The following LYST variants were observed in gnomAD, a reference collection of about 807,000 sequenced individuals.
LYST encodes the protein lysosomal-trafficking regulator.
LYST carries 192 observed loss-of-function variants against 413.6 expected under a neutral mutation model. That is an observed-to-expected ratio of 0.46 (90% CI 0.41 to 0.52). The LOEUF is 0.52. LYST is among the 20% of genes least tolerant of loss of function. The pLI, the probability that LYST is intolerant of heterozygous loss-of-function variation, is 0.00. For missense variants in LYST, 3,815 were observed against 4,499.9 expected (o/e 0.85, Z 4.35); for synonymous variants, 1,525 against 1,567.3 (o/e 0.97, Z 0.64).
rs1232348898 is a variant in LYST, at chr1:235,770,148, C to T, written c.5922+12G>A. 3.7e-6 allele frequency: 6 copies of T among 1,612,156 alleles called. No individual in the cohort carries two copies. The highest frequency in any genetic ancestry group is 1.3e-5 in the African/African-American group (1 of 74,880). Reference sequence around the variant, plus strand: ...GAATATATTTCCAAAAGTAAAGTTACATGAAAAGTACCTGCAAAACCTGAC... The same window carrying T: ...GAATATATTTCCAAAAGTAAAGTTATATGAAAAGTACCTGCAAAACCTGAC... On this transcript the variant is annotated intron_variant, in intron 20 of 52. Transcript: ENST00000389793.
chr1:235,813,499 A>T (rs1412538874), intron 3 of LYST, among the ~76,000 whole-genome samples: 2 of 152,238 alleles, frequency 1.3e-5, no homozygotes, highest in African/African-American at 2.4e-5. Context: ...AGAAATTGAC[A>T]TTATTAATAA....
At chr1:235,841,034 C>A (rs530880297) in intron 1 of LYST, among the ~76,000 whole-genome samples, 4 of 152,272 alleles carry the variant, frequency 2.6e-5, no homozygotes, top group African/African-American at 7.2e-5. Flanking sequence ...GCTGTCAGGG[C>A]AAAACCACTC....
At chr1:235,681,769 GTAACTAC>G (rs1207861538) in intron 48 of LYST, among the ~76,000 whole-genome samples, 4 of 152,242 alleles carry the variant, frequency 2.6e-5, no homozygotes, top group Admixed American at 2.0e-4. Flanking sequence ...CTCTCATCCT[GTAACTAC>G]TCATCACATT....
intron 24 of LYST, among the ~76,000 whole-genome samples, chr1:235,756,141 C>T (rs1667031079): frequency 6.6e-6 from 1 of 151,842 alleles, no homozygotes; most frequent in Admixed American, 6.6e-5. Context: ...TGAATTTCCA[C>T]CCTTCTCTAG....
intron 47 of LYST, among the ~76,000 whole-genome samples, chr1:235,691,856 C>T (rs1269439112): frequency 3.3e-5 from 5 of 151,622 alleles, no homozygotes; most frequent in African/African-American, 1.2e-4. Context: ...CACCACCATG[C>T]GTGGCTAATT....
At chr1:235,764,383 C>G (rs1176754424) in intron 21 of LYST, among the ~76,000 whole-genome samples, 1 of 152,054 alleles carries the variant, frequency 6.6e-6, no homozygotes, top group Non-Finnish European at 1.5e-5. Context: ...TATCCACAGT[C>G]CTTTTTCCAT....
intron 47 of LYST, among the ~76,000 whole-genome samples, chr1:235,688,774 G>T (rs1045793702): frequency 6.6e-6 from 1 of 151,900 alleles, no homozygotes; most frequent in Admixed American, 6.6e-5. Context: ...CATGAGGTCA[G>T]GAGATCGAGA....
intron 1 of LYST, among the ~76,000 whole-genome samples, chr1:235,843,621 T>C (rs895100088): frequency 3.3e-5 from 5 of 151,954 alleles, no homozygotes; most frequent in Admixed American, 1.3e-4. Flanking sequence ...CAAGCTTTCC[T>C]CAGATCAGTG....
At chr1:235,855,625 G>A (rs944599385) in intron 1 of LYST, among the ~76,000 whole-genome samples, 2 of 152,110 alleles carry the variant, frequency 1.3e-5, no homozygotes, top group East Asian at 1.9e-4. Flanking sequence ...TCCTAAATGT[G>A]AAATGAAAAT....
Position 235,709,072 on chromosome 1 carries a change from T to C in LYST, c.10143+19A>G. 6.2e-7 allele frequency: 1 copy of C among 1,606,332 alleles called. No homozygotes were observed. ...TTCTATCTTATATAAATACAGATTG[T>C]TTTAAAAGAGTCACTTACAGCAGGA... On this transcript the variant is annotated intron_variant, in intron 44 of 52. Coordinates refer to ENST00000389793, the MANE Select transcript of LYST (RefSeq NM_000081.4).
Position 235,733,835 on chromosome 1 carries a change from T to G in LYST, c.8607A>C (p.Gln2869His). 1 of 1,592,814 alleles carries G rather than the reference T, an allele frequency of 6.3e-7. No homozygotes were observed. The highest frequency in any genetic ancestry group is 1.1e-5 in the South Asian group (1 of 90,668). Reference sequence around the variant, plus strand: ...TGGAACATATAAAATCTTACCTTTGTTGATTATTGTTAACTGTTTTCTGCC... The same window carrying G: ...TGGAACATATAAAATCTTACCTTTGGTGATTATTGTTAACTGTTTTCTGCC... ...AAWQKTVNNN[Q>H]QSLFQRLDSK... The change falls in exon 33 of 53, where the codon CAA (glutamine) becomes CAC (histidine). Residue 2869 changes from glutamine (Q) to histidine (H), a missense_variant. Coordinates refer to ENST00000389793, the MANE Select transcript of LYST (RefSeq NM_000081.4).
chr1:235,876,535 T>C (rs978092188), intron 1 of LYST, among the ~76,000 whole-genome samples: 9 of 152,242 alleles, frequency 5.9e-5, no homozygotes, highest in African/African-American at 2.2e-4. Flanking sequence ...GAATTCTCTA[T>C]GATCTGTAGC....
upstream of LYST, among the ~76,000 whole-genome samples, chr1:235,868,326 A>G (rs548656238): frequency 6.6e-6 from 1 of 152,234 alleles, no homozygotes; most frequent in South Asian, 2.1e-4. Context: ...AGCACCTACA[A>G]TGCGCTAAGT....
At chr1:235,784,134 C>A (rs1670162921) in intron 14 of LYST, among the ~76,000 whole-genome samples, 2 of 152,106 alleles carry the variant, frequency 1.3e-5, no homozygotes, top group East Asian at 3.9e-4. Context: ...TCTGCCTCGG[C>A]CTATCAAAGT....
rs1190734834 is a variant in LYST at position 235,805,371 on chromosome 1, A to G, written c.3393+372T>C. Among the ~76,000 whole-genome samples the G allele has an allele frequency of 2.0e-5, 3 of 152,210 alleles. No individual in the cohort carries two copies. In the East Asian group the frequency reaches 5.8e-4, roughly 29 times the overall value. On this transcript the variant is annotated intron_variant, in intron 6 of 52. Coordinates refer to ENST00000389793, the MANE Select transcript of LYST (RefSeq NM_000081.4). ...TGAGCATCCTTCCCAGGCATCTTCC[A>G]TCGGTCAAGGGTGATTCCTGGAAGA...
chr1:235,760,709 T>G (rs996868578), intron 22 of LYST, among the ~76,000 whole-genome samples: 1 of 152,162 alleles, frequency 6.6e-6, no homozygotes, highest in Non-Finnish European at 1.5e-5. Flanking sequence ...AGGTTAAAAT[T>G]TGAGACCATG....
At chr1:235,743,208 G>A (rs1385977354) in intron 30 of LYST, among the ~76,000 whole-genome samples, 1 of 152,122 alleles carries the variant, frequency 6.6e-6, no homozygotes, top group African/African-American at 2.4e-5. Context: ...CTAGCCAAAT[G>A]CTGATCAAAT....
At chr1:235,780,160 A>G (rs1335767117) in intron 16 of LYST, among the ~76,000 whole-genome samples, 1 of 152,086 alleles carries the variant, frequency 6.6e-6, no homozygotes, top group Non-Finnish European at 1.5e-5. Flanking sequence ...TAATCTCACC[A>G]TTTGGGAGGC....
chr1:235,801,781 C>A (rs1215506832), intron 8 of LYST, among the ~76,000 whole-genome samples: 1 of 151,898 alleles, frequency 6.6e-6, no homozygotes, highest in African/African-American at 2.4e-5. Flanking sequence ...AATATTTTTT[C>A]AAAAAGCACC....
Sources: allele counts gnomAD v4.1 joint callset (sites outside exome capture counted in the v4.1 genomes callset), GRCh38; gene constraint gnomAD v4.1.1; transcripts MANE v1.5; gene names NCBI Gene and HGNC (gene_info 2026-07-23, HGNC 2026-07-21).